Variants in AJAP1 observed in about 807,000 individuals in gnomAD.
AJAP1 encodes adherens junctions associated protein 1, also known as adherens junction-associated protein 1.
A neutral mutation model predicts 35.0 loss-of-function variants in AJAP1; 5 were observed. The ratio of observed to expected loss-of-function variants is 0.14; its 90% CI spans 0.07 to 0.30. AJAP1 has a LOEUF of 0.30. Among genes scored for constraint, AJAP1 ranks in the 10% least tolerant of loss-of-function variants. AJAP1 has a pLI of 1.00. For synonymous variants in AJAP1, 284 were observed against 249.3 expected (o/e 1.14, Z -1.31); for missense variants, 586 against 571.0 (o/e 1.03, Z -0.27).
At chr1:4,738,186 C>T (rs1640974357) in intron 2 of AJAP1, among the ~76,000 whole-genome samples, 1 of 152,246 alleles carries the variant, frequency 6.6e-6, no homozygotes, top group Non-Finnish European at 1.5e-5. Flanking sequence ...CCCCCAGCCA[C>T]ATGGCAGGCC....
intron 2 of AJAP1, among the ~76,000 whole-genome samples, chr1:4,749,301 C>T (rs1465391735): frequency 1.3e-5 from 2 of 152,110 alleles, no homozygotes; most frequent in Admixed American, 6.5e-5. Flanking sequence ...TTGCTCTGCT[C>T]GAAGCTGAAT....
intron 4 of AJAP1, 145 bp from the exon 5 acceptor site, chr1:4,774,282 G>C (rs1641899209): frequency 1.5e-6 from 1 of 686,238 alleles, no homozygotes; most frequent in Admixed American, 2.5e-5. Context: ...TGTGGGGGGT[G>C]GTCCCTTCCT....
intron 2 of AJAP1, among the ~76,000 whole-genome samples, chr1:4,733,600 G>A (rs1161186642): frequency 2.0e-5 from 3 of 151,334 alleles, no homozygotes; most frequent in Non-Finnish European, 2.9e-5. Context: ...TCAGAGGCCC[G>A]CCCTCCTTGT....
At chr1:4,668,931 G>T (rs1639194354) in intron 1 of AJAP1, among the ~76,000 whole-genome samples, 1 of 152,220 alleles carries the variant, frequency 6.6e-6, no homozygotes, top group Non-Finnish European at 1.5e-5. Context: ...TAGAATTTAT[G>T]TCAGTTGCCA....
At chr1:4,722,315 CA>C (rs1401434857) in intron 2 of AJAP1, among the ~76,000 whole-genome samples, 1 of 152,242 alleles carries the variant, frequency 6.6e-6, no homozygotes, top group African/African-American at 2.4e-5. Flanking sequence ...GTTCACAGCG[CA>C]GAGGCGATCC....
intron 1 of AJAP1, among the ~76,000 whole-genome samples, chr1:4,673,754 C>T (rs1305938423): frequency 6.6e-6 from 1 of 152,142 alleles, no homozygotes. Context: ...CTGGCTCTGG[C>T]TTGGTCAATG....
intron 1 of AJAP1, among the ~76,000 whole-genome samples, chr1:4,665,002 C>T (rs1457127486): frequency 6.6e-6 from 1 of 152,118 alleles, no homozygotes; most frequent in East Asian, 1.9e-4. Flanking sequence ...GAAGCCTCTG[C>T]CCCAGGACCA....
chr1:4,722,611 A>G (rs113709488), intron 2 of AJAP1, among the ~76,000 whole-genome samples: 2,572 of 152,286 alleles, frequency 0.017, 68 homozygotes, highest in African/African-American at 0.057. Context: ...AAGTCATGAT[A>G]CAAGCAGGGC....
intron 1 of AJAP1, among the ~76,000 whole-genome samples, chr1:4,689,669 C>T (rs958348432): frequency 6.6e-6 from 1 of 152,226 alleles, no homozygotes; most frequent in Non-Finnish European, 1.5e-5. Flanking sequence ...TGAAACACAG[C>T]TTTCGGGGTT....
chr1:4,693,814 G>A lies in AJAP1; in HGVS notation c.30-18086G>A, dbSNP rs767504210. On this transcript the variant is annotated intron_variant, in intron 1 of 5. Transcript: ENST00000378191. The surrounding 1 kb of genome is among the most constrained non-coding windows in gnomAD (Gnocchi z 4.4). ...TGGAGGGGAGGAAGGGGCCAAACGC[G>A]TCCTTTTATCAGGAACCCACTTGGG... 7.2e-5 allele frequency among the ~76,000 whole-genome samples: 11 copies of A among 152,154 alleles called. No individual in the cohort carries two copies. Among genetic ancestry groups the A allele is most frequent in the Admixed American group, 4.6e-4 (7 of 15,286 alleles).
chr1:4,689,356 T>G (rs1639682807), intron 1 of AJAP1, among the ~76,000 whole-genome samples: 1 of 152,228 alleles, frequency 6.6e-6, no homozygotes, highest in African/African-American at 2.4e-5. Context: ...ATACCTATTT[T>G]CTGATTTATT....
intron 1 of AJAP1, among the ~76,000 whole-genome samples, chr1:4,659,503 G>T (rs990889047): frequency 4.6e-5 from 7 of 152,086 alleles, no homozygotes; most frequent in African/African-American, 1.4e-4. Context: ...AGTGGTGGTG[G>T]TTACATAATT....
chr1:4,676,981 A>G (rs1416161791), intron 1 of AJAP1, among the ~76,000 whole-genome samples: 1 of 152,082 alleles, frequency 6.6e-6, no homozygotes, highest in African/African-American at 2.4e-5. Context: ...ACATGGTGAA[A>G]CCCCGTCTCT....
chr1:4,768,230 A>C (rs114965801), intron 2 of AJAP1, among the ~76,000 whole-genome samples: 1 of 152,234 alleles, frequency 6.6e-6, no homozygotes. Flanking sequence ...CTGCAGGCGC[A>C]CAGTAGGTGC....
chr1:4,756,436 TGGA>T (rs1198901406), intron 2 of AJAP1, among the ~76,000 whole-genome samples: 3 of 152,192 alleles, frequency 2.0e-5, no homozygotes, highest in Non-Finnish European at 4.4e-5. Flanking sequence ...GGGGCTTGTC[TGGA>T]CCAAGATTCA....
At chr1:4,677,487 C>T (rs1232070917) in intron 1 of AJAP1, among the ~76,000 whole-genome samples, 1 of 151,972 alleles carries the variant, frequency 6.6e-6, no homozygotes, top group African/African-American at 2.4e-5. Context: ...AGCTGGCCAG[C>T]GGCTTTTCTC....
chr1:4,754,448 G>C (rs413383), intron 2 of AJAP1, among the ~76,000 whole-genome samples: 59,721 of 151,986 alleles, frequency 0.39, 13,059 homozygotes, highest in African/African-American at 0.57. Context: ...CACTAGGTTG[G>C]GACTATGTGG....
At position 4,712,001 on chromosome 1, in the gene AJAP1, T is replaced by C. The variant is rs771513181; in HGVS notation, c.131T>C (p.Leu44Pro). The change falls in exon 2 of 6, where the codon CTG (leucine) becomes CCG (proline). Residue 44 changes from leucine to proline, a missense_variant. Leu to Pro is a moderately conservative substitution (Grantham distance 98). Transcript: ENST00000378191. Reference sequence around the variant, plus strand: ...GTGGACCTGCCCGCCTGTGAGGCCCTGGGCCCGGGGCCGGAGTTCTGGCTC... The same window carrying C: ...GTGGACCTGCCCGCCTGTGAGGCCCCGGGCCCGGGGCCGGAGTTCTGGCTC... The part of the protein sequence containing the change: ...LAVDLPACEA[L>P]GPGPEFWLLP... 6.3e-7 allele frequency: 1 copy of C among 1,594,970 alleles called. No individual in the cohort carries two copies. Among genetic ancestry groups the C allele is most frequent in the Non-Finnish European group, 8.5e-7 (1 of 1,173,812 alleles).
intron 2 of AJAP1, among the ~76,000 whole-genome samples, chr1:4,737,907 A>C (rs1640966443): frequency 6.6e-6 from 1 of 150,654 alleles, no homozygotes; most frequent in South Asian, 2.1e-4. Flanking sequence ...CTTTCAAAAA[A>C]ACCAAAACCA....
Sources: gnomAD v4.1 joint callset for allele counts (sites outside exome capture counted in the v4.1 genomes callset) on GRCh38, gnomAD v4.1.1 for gene constraint, Gnocchi (gnomAD v3.1) non-coding constraint, MANE v1.5 for transcripts, NCBI Gene and HGNC (gene_info 2026-07-23, HGNC 2026-07-21) for gene names.